The following GLRA1 variants were observed in gnomAD, a reference collection of about 807,000 sequenced individuals.
GLRA1 encodes glycine receptor subunit alpha-1.
A neutral mutation model predicts 48.3 loss-of-function variants in GLRA1; 37 were observed. That is an observed-to-expected ratio of 0.77 (90% CI 0.59 to 1.01). GLRA1 has a LOEUF of 1.01. GLRA1 is among the 50% of genes least tolerant of loss of function. GLRA1 has a pLI of 0.00. For synonymous variants in GLRA1, 196 were observed against 210.7 expected, an observed-to-expected ratio of 0.93 and a Z score of 0.60; for missense variants, 427 against 571.0, an observed-to-expected ratio of 0.75 and a Z score of 2.57.
intron 1 of GLRA1, among the ~76,000 whole-genome samples, chr5:151,906,622 A>C (rs1286029125): frequency 6.6e-6 from 1 of 152,210 alleles, no homozygotes; most frequent in African/African-American, 2.4e-5. Context: ...CCAACTTAAT[A>C]AAATAATTTT....
chr5:151,885,348 A>G (rs143102858), intron 3 of GLRA1, among the ~76,000 whole-genome samples: 10 of 152,352 alleles, frequency 6.6e-5, no homozygotes, highest in Non-Finnish European at 1.5e-4. Flanking sequence ...CAGTATAGTG[A>G]CAGGAGGGAC....
chr5:151,896,073 A>G (rs1186173181), intron 1 of GLRA1, among the ~76,000 whole-genome samples: 1 of 152,222 alleles, frequency 6.6e-6, no homozygotes, highest in Non-Finnish European at 1.5e-5. Context: ...TGGGCAGTAC[A>G]GTGGGAGAAT....
intron 3 of GLRA1, among the ~76,000 whole-genome samples, chr5:151,881,168 T>C (rs756434429): frequency 9.9e-5 from 15 of 152,224 alleles, no homozygotes; most frequent in Non-Finnish European, 1.6e-4. Context: ...CACAGATCCA[T>C]AGATGCTCCA....
At position 151,853,096 on chromosome 5, in the gene GLRA1, G is replaced by A. The variant is rs1752950851; in HGVS notation, c.698-1492C>T. Among the ~76,000 whole-genome samples the A allele has an allele frequency of 2.6e-5, 4 of 152,104 alleles. No homozygotes were observed. In the South Asian group the frequency reaches 8.3e-4, roughly 32 times the overall value. On this transcript the variant is annotated intron_variant, in intron 6 of 8. Coordinates refer to ENST00000274576, the MANE Select transcript of GLRA1 (RefSeq NM_000171.4). ...TGGTTGCTAGAGGCTGAGGGATGGG[G>A]GAAATTGGGAGATGTTGGTCAAAGG... is the stretch of plus-strand genomic sequence containing the variant.
intron 3 of GLRA1, among the ~76,000 whole-genome samples, chr5:151,881,398 C>T (rs891785287): frequency 1.3e-5 from 2 of 150,596 alleles, no homozygotes; most frequent in Admixed American, 6.6e-5. Flanking sequence ...CAGCTCACTG[C>T]AGCCTTGACC....
chr5:151,860,134 A>T, intron 3 of GLRA1, 126 bp from the exon 4 acceptor site: 2 of 724,694 alleles, frequency 2.8e-6, no homozygotes, highest in South Asian at 3.0e-5. Flanking sequence ...GTTGCATCTT[A>T]TATGGGGGTG....
At chr5:151,900,600 G>A (rs1162285311) in intron 1 of GLRA1, among the ~76,000 whole-genome samples, 3 of 152,166 alleles carry the variant, frequency 2.0e-5, no homozygotes, top group Non-Finnish European at 4.4e-5. Context: ...AATCAATTTT[G>A]TGGCTTGTGA....
At chr5:151,894,732 G>C (rs1040744903) in intron 1 of GLRA1, among the ~76,000 whole-genome samples, 4 of 152,156 alleles carry the variant, frequency 2.6e-5, no homozygotes, top group African/African-American at 7.2e-5. Context: ...ATGAATGAAT[G>C]AATAATGTGC....
intron 1 of GLRA1, among the ~76,000 whole-genome samples, chr5:151,895,076 A>G (rs1010295988): frequency 1.3e-5 from 2 of 152,224 alleles, no homozygotes; most frequent in Non-Finnish European, 2.9e-5. Flanking sequence ...TGTGTTATGT[A>G]TACAGATGGA....
intron 7 of GLRA1, chr5:151,848,914 C>A: frequency 1.4e-6 from 1 of 691,734 alleles, no homozygotes; most frequent in Non-Finnish European, 2.8e-6. Context: ...CCCACTTAAA[C>A]AAAGGTATTA....
intron 3 of GLRA1, among the ~76,000 whole-genome samples, chr5:151,879,991 A>G (rs974513514): frequency 3.9e-5 from 6 of 152,126 alleles, no homozygotes; most frequent in Admixed American, 2.0e-4. Flanking sequence ...GATGTTTACT[A>G]TAAGGGAGAA....
Position 151,871,727 on chromosome 5 carries a change from A to AT in GLRA1, c.253-11720dup, listed in dbSNP as rs1369988820. ...AGGCGCCCGCCACCACGCCCGGCTA[A>AT]TTTTTTTTATGTATTTTTAGTAGAG... On this transcript the variant is annotated intron_variant, in intron 3 of 8. Coordinates refer to ENST00000274576, the MANE Select transcript of GLRA1 (RefSeq NM_000171.4). 1.4e-4 allele frequency among the ~76,000 whole-genome samples: 21 copies of AT among 148,928 alleles called. 2 individuals are homozygous for AT. Among genetic ancestry groups the AT allele is most frequent in the African/African-American group, 4.9e-4 (19 of 38,556 alleles).
Position 151,829,079 on chromosome 5 carries a change from G to T in GLRA1, c.913-12C>A, listed in dbSNP as rs1420894866. On this transcript the variant is annotated splice_polypyrimidine_tract_variant and intron_variant, in intron 7 of 8. Transcript: ENST00000274576. ...TTCACATAGGACACCTAGAGTGGGGGTGGAGGAGAAACAGGGAGGTGAAAG... is the reference window on the plus strand; with the variant it reads ...TTCACATAGGACACCTAGAGTGGGGTTGGAGGAGAAACAGGGAGGTGAAAG... 1.9e-6 allele frequency: 3 copies of T among 1,613,170 alleles called. No individual in the cohort carries two copies. Among genetic ancestry groups the T allele is most frequent in the African/African-American group, 2.7e-5 (2 of 74,930 alleles).
rs530486441 is a variant in GLRA1, at chr5:151,841,536, C to T, written c.912+9854G>A. Among the ~76,000 whole-genome samples, 3 of 151,986 alleles carry T rather than the reference C, an allele frequency of 2.0e-5. No homozygotes were observed. The South Asian group carries it at 6.2e-4, about 32-fold the overall frequency. ...AAAATAATAGAGAAAATCAATGAAA[C>T]CAAATGTTGATTCTTTGAAAAAATT... On this transcript the variant is annotated intron_variant, in intron 7 of 8. Transcript: ENST00000274576.
intron 3 of GLRA1, among the ~76,000 whole-genome samples, chr5:151,872,828 A>G (rs1056419059): frequency 6.7e-6 from 1 of 149,920 alleles, no homozygotes; most frequent in Non-Finnish European, 1.5e-5. Context: ...ACAGTAAGGT[A>G]GATCTATATG....
At chr5:151,844,939 A>G (rs1752629095) in intron 7 of GLRA1, among the ~76,000 whole-genome samples, 1 of 152,210 alleles carries the variant, frequency 6.6e-6, no homozygotes, top group African/African-American at 2.4e-5. Context: ...AAGGGAAGCC[A>G]TCATGTGCAG....
chr5:151,914,429 C>G (rs1561583289), intron 1 of GLRA1, among the ~76,000 whole-genome samples: 1 of 152,112 alleles, frequency 6.6e-6, no homozygotes, highest in East Asian at 1.9e-4. Flanking sequence ...GCGGTGAGAC[C>G]TTTAGTGCTT....
chr5:151,913,414 G>T (rs1754663708), intron 1 of GLRA1, among the ~76,000 whole-genome samples: 1 of 152,182 alleles, frequency 6.6e-6, no homozygotes, highest in Non-Finnish European at 1.5e-5. Context: ...GAGACTTATG[G>T]ATGTACTGCT....
At chr5:151,892,527 C>CACTCTTGTGGTTCTA in intron 1 of GLRA1, 89 bp from the exon 2 acceptor site, 3 of 1,395,158 alleles carry the variant, frequency 2.2e-6, no homozygotes, top group African/African-American at 1.4e-5. Flanking sequence ...CTCTGTAGAA[C>CACTCTTGTGGTTCTA]CACAAGAGTG....
Sources: gnomAD v4.1 joint callset for allele counts (sites outside exome capture counted in the v4.1 genomes callset) on GRCh38, gnomAD v4.1.1 for gene constraint, MANE v1.5 for transcripts, NCBI Gene and HGNC (gene_info 2026-07-23, HGNC 2026-07-21) for gene names.